CD8A: variants seen among roughly 807,000 people sequenced by gnomAD.
CD8A encodes the protein CD8 subunit alpha.
CD8A carries 25 observed loss-of-function variants against 24.2 expected under a neutral mutation model. The observed-to-expected ratio is 1.03, with a 90% CI of 0.75 to 1.44. The LOEUF (loss-of-function observed/expected upper bound fraction) is 1.44, where lower values mean the gene tolerates loss of function less well. CD8A is among the 40% of genes most tolerant of loss of function. CD8A has a pLI of 0.00. For missense variants in CD8A, 360 were observed against 319.7 expected, an observed-to-expected ratio of 1.13 and a Z score of -0.96; for synonymous variants, 165 against 149.9, an observed-to-expected ratio of 1.10 and a Z score of -0.74.
intron 3 of CD8A, among the ~76,000 whole-genome samples, chr2:86,796,859 C>A (rs1673500703): frequency 6.6e-6 from 1 of 152,172 alleles, no homozygotes; most frequent in Non-Finnish European, 1.5e-5. Flanking sequence ...CCTCCTGTTT[C>A]CTGTTGTCCA....
At chr2:86,790,722 G>GCCCCCCCCCCCCCCCCC in intron 1 of CD8A, 41 bp from the exon 2 acceptor site, 2 of 1,487,866 alleles carry the variant, frequency 1.3e-6, no homozygotes, top group Non-Finnish European at 1.8e-6. Flanking sequence ...GCAGTCCCGC[G>GCCCCCCCCCCCCCCCCC]CCCCCCGCCC....
chr2:86,790,985 G>C (rs1444192446), upstream of CD8A: 3 of 780,592 alleles, frequency 3.8e-6, no homozygotes, highest in Admixed American at 2.0e-5. Context: ...CCCCGCCGAG[G>C]AGAGTCACCC....
At chr2:86,786,191 G>A (rs2104427033) in intron 5 of CD8A, among the ~76,000 whole-genome samples, 1 of 152,324 alleles carries the variant, frequency 6.6e-6, no homozygotes, top group Non-Finnish European at 1.5e-5. Flanking sequence ...TTAAGGGTGG[G>A]CACTGAGATT....
intron 5 of CD8A, among the ~76,000 whole-genome samples, chr2:86,787,483 G>T (rs907826855): frequency 2.6e-5 from 4 of 152,102 alleles, no homozygotes; most frequent in African/African-American, 9.7e-5. Flanking sequence ...GCAGCCATGG[G>T]GAAGGTGTCT....
chr2:86,805,543 G>A (rs1313172803), intron 2 of CD8A, among the ~76,000 whole-genome samples: 1 of 152,114 alleles, frequency 6.6e-6, no homozygotes, highest in Admixed American at 6.6e-5. Flanking sequence ...ATGGTATCTC[G>A]TTGTTTAAAC....
At chr2:86,787,691 T>C (rs1035062749) in intron 5 of CD8A, among the ~76,000 whole-genome samples, 12 of 152,184 alleles carry the variant, frequency 7.9e-5, no homozygotes, top group Non-Finnish European at 1.3e-4. Context: ...TTATTACTAT[T>C]GATAATCTGA....
intron 3 of CD8A, 31 bp downstream of exon 3, chr2:86,789,609 C>A (rs1558735031): frequency 6.9e-7 from 1 of 1,439,212 alleles, no homozygotes; most frequent in Non-Finnish European, 9.3e-7. Context: ...CGGTGCGTGC[C>A]GCCCCCGCCC....
At chr2:86,793,933 C>A (rs887648663), upstream of CD8A, among the ~76,000 whole-genome samples, 1 of 152,166 alleles carries the variant, frequency 6.6e-6, no homozygotes, top group Non-Finnish European at 1.5e-5. Flanking sequence ...GGCAACATGT[C>A]AAACCCATCA....
At position 86,790,776 on chromosome 2, in the gene CD8A, C is replaced by CGGAGCAGCAAGGCCAGCGGCA. The variant is rs1475629564; in HGVS notation, c.29_49dup (p.Leu10_Leu16dup). ...TGCCTTCCCGGGCGTCTCAAACTCA[C>CGGAGCAGCAAGGCCAGCGGCA]GGAGCAGCAAGGCCAGCGGCAGGAG... is the stretch of plus-strand genomic sequence containing the variant. On this transcript the variant is annotated inframe_insertion and splice_region_variant. Transcript: ENST00000283635. 3 of 1,527,060 alleles carry CGGAGCAGCAAGGCCAGCGGCA rather than the reference C, an allele frequency of 2.0e-6. No individual in the cohort carries two copies. The highest frequency in any genetic ancestry group is 3.9e-5 in the Admixed American group (2 of 51,044). The allele number at this position is 1,527,060 out of a possible 1,614,324, so 94.6% of individuals were successfully genotyped here.
intron 4 of CD8A, 42 bp from the exon 5 acceptor site, chr2:86,788,602 C>T (rs1285692547): frequency 6.4e-7 from 1 of 1,554,188 alleles, no homozygotes; most frequent in Admixed American, 1.7e-5. Context: ...TGCCCCTATC[C>T]ATCAATAGTC....
intron 4 of CD8A, among the ~76,000 whole-genome samples, chr2:86,788,892 C>G (rs1466816701): frequency 6.6e-6 from 1 of 152,188 alleles, no homozygotes; most frequent in East Asian, 1.9e-4. Flanking sequence ...GATCCGGCAC[C>G]TCTCTTGCAT....
Position 86,785,298 on chromosome 2 carries a change from G to A in CD8A, c.*622C>T, listed in dbSNP as rs145680373. The A allele has an allele frequency of 9.5e-4, 429 of 452,042 alleles. 1 individual carries two copies. The highest frequency in any genetic ancestry group is 7.6e-3 in the African/African-American group (381 of 49,844). 28.0% of individuals were successfully genotyped at this position (452,042 alleles called of 1,614,324 possible). A position where few individuals can be genotyped will look rare whatever the true frequency, so the allele number is the denominator to read the frequency against. On this transcript the variant is annotated 3_prime_UTR_variant, in exon 6 of 6. Transcript: ENST00000283635. Reference sequence around the variant, plus strand: ...TTATAAAAAAAAAAAGTCTGATATTGTTTACATTATAGAACTCTGCCAAAG... The same window carrying A: ...TTATAAAAAAAAAAAGTCTGATATTATTTACATTATAGAACTCTGCCAAAG...
intron 3 of CD8A, among the ~76,000 whole-genome samples, chr2:86,801,354 C>T (rs1160319284): frequency 2.7e-5 from 4 of 148,130 alleles, no homozygotes; most frequent in Non-Finnish European, 4.5e-5. Context: ...TTCTCCCTTT[C>T]TCTCTCTCTC....
intron 2 of CD8A, among the ~76,000 whole-genome samples, chr2:86,803,659 C>G (rs1207883300): frequency 6.6e-6 from 1 of 152,208 alleles, no homozygotes; most frequent in Non-Finnish European, 1.5e-5. Flanking sequence ...TCAAGTAATT[C>G]TCCTGCCTCA....
chr2:86,790,689 C>T lies in CD8A; in HGVS notation c.50-8G>A, dbSNP rs2944249. On this transcript the variant is annotated splice_polypyrimidine_tract_variant and splice_region_variant and intron_variant, in intron 1 of 5. Coordinates refer to ENST00000283635, the MANE Select transcript of CD8A (RefSeq NM_001768.7). ...GGCTCGGCCTGGCGGCGTCTGCAGGCGGCAAGCAGCGAGGCTGAGCCCGCA... is the reference window on the plus strand; with the variant it reads ...GGCTCGGCCTGGCGGCGTCTGCAGGTGGCAAGCAGCGAGGCTGAGCCCGCA... 5 of 1,594,608 alleles carry T rather than the reference C, an allele frequency of 3.1e-6. No individual in the cohort carries two copies. Among genetic ancestry groups the T allele is most frequent in the Non-Finnish European group, 3.4e-6 (4 of 1,177,734 alleles).
chr2:86,795,288 G>A (rs1380122021), upstream of CD8A, among the ~76,000 whole-genome samples: 1 of 152,190 alleles, frequency 6.6e-6, no homozygotes, highest in Non-Finnish European at 1.5e-5. Context: ...ACCAGAGGAG[G>A]CTTAGATAGT....
intron 1 of CD8A, chr2:86,807,987 G>A (rs945696713): frequency 6.6e-6 from 1 of 152,476 alleles, no homozygotes; most frequent in South Asian, 2.1e-4. Context: ...TCCCAGCTAA[G>A]TAAGGCGGTG....
Position 86,789,741 on chromosome 2 carries a change from G to A in CD8A, c.413C>T (p.Thr138Ile). ...TGGTGGTCGCGGCGCTGGCGTCGTG[G>A]TGGGCTTCGCTGCAAGAGCAACAGA... ...FVPVFLPAKP[T>I]TTPAPRPPTP... The change falls in exon 3 of 6, where the codon ACC becomes ATC. Residue 138 changes from threonine (T) to isoleucine (I), a missense_variant. Transcript: ENST00000283635. 2.9e-6 allele frequency: 4 copies of A among 1,362,370 alleles called. No homozygotes were observed. Among genetic ancestry groups the A allele is most frequent in the South Asian group, 2.0e-5 (1 of 50,726 alleles). 84.4% of individuals were successfully genotyped at this position (1,362,370 alleles called of 1,614,324 possible).
Position 86,789,424 on chromosome 2 carries a change from C to T in CD8A, c.524G>A (p.Arg175Lys), listed in dbSNP as rs866444313. The T allele has an allele frequency of 2.5e-6, 4 of 1,612,712 alleles. No homozygotes were observed. The highest frequency in any genetic ancestry group is 1.7e-6 in the Non-Finnish European group (2 of 1,178,742). ...GATATCACAGGCGAAGTCCAGCCCC[C>T]TCGTGTGCACTGACGACACCAAAGA... ...RPAAGGAVHTRGLDFACDIYI... is the reference protein window; with the variant it reads ...RPAAGGAVHTKGLDFACDIYI... Residue 175 changes from arginine (R) to lysine (K), a missense_variant, in exon 4 of 6, where the codon AGG becomes AAG. Transcript: ENST00000283635.
Sources: gnomAD v4.1 joint callset for allele counts (sites outside exome capture counted in the v4.1 genomes callset) on GRCh38, gnomAD v4.1.1 for gene constraint, MANE v1.5 for transcripts, NCBI Gene and HGNC (gene_info 2026-07-23, HGNC 2026-07-21) for gene names.